Variants in ZZEF1 observed in about 807,000 individuals in gnomAD.
The protein encoded by ZZEF1 is zinc finger ZZ-type and EF-hand domain containing 1.
ZZEF1 carries 157 observed loss-of-function variants against 342.8 expected under a neutral mutation model. The ratio of observed to expected loss-of-function variants is 0.46; its 90% CI spans 0.40 to 0.52. The LOEUF (loss-of-function observed/expected upper bound fraction) is 0.52, where lower values mean the gene tolerates loss of function less well. ZZEF1 is among the 20% of genes least tolerant of loss of function. The probability of loss-of-function intolerance (pLI) is 0.00; values close to 1 mark genes in which losing one functional copy is unlikely to be tolerated. For missense variants in ZZEF1, 3,480 were observed against 3,725.6 expected, an observed-to-expected ratio of 0.93 and a Z score of 1.72; for synonymous variants, 1,505 against 1,429.1, an observed-to-expected ratio of 1.05 and a Z score of -1.20.
chr17:4,043,180 ATTTATT>A (rs1294793471), intron 38 of ZZEF1, among the ~76,000 whole-genome samples: 1 of 152,102 alleles, frequency 6.6e-6, no homozygotes, highest in African/African-American at 2.4e-5. Flanking sequence ...CATAATTTAT[ATTTATT>A]GTTTACTGTC....
intron 39 of ZZEF1, among the ~76,000 whole-genome samples, chr17:4,040,930 C>T (rs115802740): frequency 0.011 from 1,621 of 152,296 alleles, 23 homozygotes; most frequent in African/African-American, 0.037. Context: ...CAACGTGCTA[C>T]CCAGTGAGCT....
chr17:4,048,993 C>G (rs916982351), intron 37 of ZZEF1, among the ~76,000 whole-genome samples: 1 of 150,834 alleles, frequency 6.6e-6, no homozygotes, highest in Non-Finnish European at 1.5e-5. Flanking sequence ...GCTGGGATTA[C>G]AGGCCACTGT....
intron 36 of ZZEF1, 68 bp from the exon 37 acceptor site, chr17:4,049,927 T>C: frequency 6.4e-7 from 1 of 1,557,814 alleles, no homozygotes; most frequent in Non-Finnish European, 8.7e-7. Context: ...GCAAGTGCCA[T>C]AAGTTACTTT....
At chr17:4,112,844 A>G (rs758022892) in intron 4 of ZZEF1, 36 bp from the exon 5 acceptor site, 1 of 1,505,930 alleles carries the variant, frequency 6.6e-7, no homozygotes, top group Non-Finnish European at 8.9e-7. Flanking sequence ...ACAAATGTTT[A>G]TAGGAGTCAA....
chr17:4,032,004 T>C (rs187116334), intron 42 of ZZEF1, 122 bp downstream of exon 42: 2 of 1,078,130 alleles, frequency 1.9e-6, no homozygotes, highest in Admixed American at 5.0e-5. Flanking sequence ...CGGGGAGCTA[T>C]AACTTGTTCT....
In ZZEF1 at chr17:4,064,508, C is replaced by A; in HGVS notation, c.4571G>T (p.Arg1524Leu). 1 of 1,614,104 alleles carries A rather than the reference C, an allele frequency of 6.2e-7. No individual in the cohort carries two copies. Among genetic ancestry groups the A allele is most frequent in the South Asian group, 1.1e-5 (1 of 91,082 alleles). Residue 1524 changes from arginine (R) to leucine (L), a missense_variant, in exon 29 of 55, where the codon CGC (arginine) becomes CTC (leucine). This residue lies in a region of ZZEF1 where 1,528 missense variants were observed against 1,624.1 expected (regional missense o/e 0.94). Transcript: ENST00000381638. ...TCGCCCTCGGGTGAAGGGAGGCCGG[C>A]GGGTGGGTGTGGAAGGTGACAAGGG... ...EEPLSPSTPTRRPPFTRGRLR... is the reference protein window; with the variant it reads ...EEPLSPSTPTLRPPFTRGRLR...
intron 24 of ZZEF1, 127 bp from the exon 25 acceptor site, chr17:4,072,883 A>C: frequency 1.0e-6 from 1 of 952,932 alleles, no homozygotes; most frequent in Non-Finnish European, 1.5e-6. Context: ...GTTTACCCAC[A>C]TACCAGAATG....
intron 18 of ZZEF1, among the ~76,000 whole-genome samples, chr17:4,078,779 G>A (rs2057670182): frequency 6.6e-6 from 1 of 152,190 alleles, no homozygotes; most frequent in African/African-American, 2.4e-5. Flanking sequence ...TGTATCCCCT[G>A]TTCCTAGCAC....
In ZZEF1 at chr17:4,070,858, G is replaced by C. The variant is rs761399620; in HGVS notation, c.3901C>G (p.Gln1301Glu). Residue 1301 changes from glutamine to glutamate, a missense_variant, in exon 26 of 55, where the codon CAG becomes GAG. This residue lies in a region of ZZEF1 where 1,528 missense variants were observed against 1,624.1 expected (regional missense o/e 0.94). Coordinates refer to ENST00000381638, the MANE Select transcript of ZZEF1 (RefSeq NM_015113.4). ...LLDFAQSEPA[Q>E]NFCGPYSELF... is the part of the protein sequence containing the mutation. ...TCTGAATATGGCCCACAGAAGTTCT[G>C]AGCAGGCTCTGACTGGGCAAAATCA... The C allele has an allele frequency of 9.3e-6, 15 of 1,614,098 alleles. No homozygotes were observed. The highest frequency in any genetic ancestry group is 1.2e-5 in the Non-Finnish European group (14 of 1,180,024).
At chr17:4,136,808 T>C (rs1254943232) in intron 1 of ZZEF1, among the ~76,000 whole-genome samples, 1 of 152,168 alleles carries the variant, frequency 6.6e-6, no homozygotes, top group Non-Finnish European at 1.5e-5. Context: ...CACTCCAGTA[T>C]ATCTGCATAT....
intron 25 of ZZEF1, among the ~76,000 whole-genome samples, chr17:4,071,864 A>G (rs1015057174): frequency 1.3e-5 from 2 of 152,152 alleles, no homozygotes; most frequent in Admixed American, 6.5e-5. Flanking sequence ...TAGGGCCACA[A>G]TGTTTGACAG....
chr17:4,040,079 T>G (rs2056770839), intron 39 of ZZEF1, among the ~76,000 whole-genome samples: 1 of 152,184 alleles, frequency 6.6e-6, no homozygotes, highest in South Asian at 2.1e-4. Context: ...TCAGTTGATA[T>G]CATGTTAATA....
In ZZEF1 at chr17:4,014,355, T is replaced by A; in HGVS notation, c.8306A>T (p.Glu2769Val). 2 of 1,614,180 alleles carry A rather than the reference T, an allele frequency of 1.2e-6. No homozygotes were observed. Among genetic ancestry groups the A allele is most frequent in the Non-Finnish European group, 1.7e-6 (2 of 1,180,034 alleles). Residue 2769 changes from glutamate (E) to valine (V), a missense_variant, in exon 50 of 55, where the codon GAA becomes GTA. Physicochemically the swap from Glu to Val is moderately radical, Grantham distance 121. Coordinates refer to ENST00000381638, the MANE Select transcript of ZZEF1 (RefSeq NM_015113.4). The surrounding 1 kb of genome is among the most constrained non-coding windows in gnomAD (Gnocchi z 4.4). ...SGSQQKWKDF[E>V]LPGDTLYYRF... ...AGTATTTGTTTCACTACCTGGAAGT[T>A]CAAAATCTTTCCACTTCTGCTGAGA...
Position 4,075,132 on chromosome 17 carries a change from A to G in ZZEF1, c.3448T>C (p.Tyr1150His). 6.2e-7 allele frequency: 1 copy of G among 1,614,204 alleles called. No individual in the cohort carries two copies. Among genetic ancestry groups the G allele is most frequent in the South Asian group, 1.1e-5 (1 of 91,078 alleles). The part of the protein sequence containing the change: ...FTDARGRKTR[Y>H]DTKVGTDKWP... ...TTATCAGTGCCAACTTTTGTGTCAT[A>G]GCGTGTTTTCCGACCTCTAGCGTCG... is the stretch of plus-strand genomic sequence containing the variant. Residue 1150 changes from tyrosine to histidine, a missense_variant, in exon 23 of 55, where the codon TAT becomes CAT. Physicochemically the swap from Tyr to His is moderately conservative, Grantham distance 83. This residue lies in a region of ZZEF1 where 1,528 missense variants were observed against 1,624.1 expected (regional missense o/e 0.94). Transcript: ENST00000381638.
rs567408202 is a variant in ZZEF1 at position 4,051,370 on chromosome 17, G to A, written c.5601-327C>T. 5.1e-4 allele frequency among the ~76,000 whole-genome samples: 77 copies of A among 152,154 alleles called. 1 individual carries two copies. Among genetic ancestry groups the A allele is most frequent in the African/African-American group, 1.6e-3 (68 of 41,510 alleles). The stretch of plus-strand genomic sequence containing the variant: ...ATAAAACCCATAATTTTTAAAGGGG[G>A]GTATAAAGTATGTAGGAAGGAAATA... On this transcript the variant is annotated intron_variant, in intron 35 of 54. Transcript: ENST00000381638.
At chr17:4,108,676 G>A (rs558081257) in intron 6 of ZZEF1, among the ~76,000 whole-genome samples, 37 of 152,320 alleles carry the variant, frequency 2.4e-4, no homozygotes, top group Middle Eastern at 3.4e-3. Context: ...CAGCAGGAAC[G>A]ATGGGGCACA....
intron 42 of ZZEF1, among the ~76,000 whole-genome samples, chr17:4,026,708 C>A (rs139679004): frequency 1.3e-5 from 2 of 151,710 alleles, no homozygotes; most frequent in African/African-American, 4.8e-5. Context: ...TTAGTAGAGA[C>A]GGGGTTTTAC....
At position 4,016,659 on chromosome 17, in the gene ZZEF1, G is replaced by C; in HGVS notation, c.8002-193C>G. The stretch of plus-strand genomic sequence containing the variant: ...TGACCAGGCTCTTGGTGTCAATCAG[G>C]ACACTGCAGTCCTTTCAGAATGATG... On this transcript the variant is annotated intron_variant, in intron 48 of 54. Transcript: ENST00000381638. The surrounding 1 kb of genome is among the most constrained non-coding windows in gnomAD (Gnocchi z 4.4). The C allele has an allele frequency of 1.7e-6, 1 of 587,538 alleles. No individual in the cohort carries two copies. Among genetic ancestry groups the C allele is most frequent in the Non-Finnish European group, 3.0e-6 (1 of 336,216 alleles). The allele number at this position is 587,538 out of a possible 1,614,324, so 36.4% of individuals were successfully genotyped here. A position where few individuals can be genotyped will look rare whatever the true frequency, so the allele number is the denominator to read the frequency against.
chr17:4,059,405 A>C, intron 30 of ZZEF1, 115 bp from the exon 31 acceptor site: 2 of 1,313,390 alleles, frequency 1.5e-6, no homozygotes, highest in Non-Finnish European at 2.1e-6. Context: ...GCAAAGCGGC[A>C]CAGGAACTTA....
Sources: gnomAD v4.1 joint callset for allele counts (sites outside exome capture counted in the v4.1 genomes callset) on GRCh38, gnomAD v4.1.1 for gene constraint, gnomAD v4.1.1 regional missense constraint, Gnocchi (gnomAD v3.1) non-coding constraint, MANE v1.5 for transcripts, NCBI Gene and HGNC (gene_info 2026-07-23, HGNC 2026-07-21) for gene names.